Variants in AGMO observed in about 807,000 individuals in gnomAD.
AGMO encodes glyceryl-ether monooxygenase.
Under a neutral mutation model 60.2 loss-of-function variants are expected in AGMO, and 75 were observed. The observed-to-expected ratio is 1.25, with a 90% CI of 1.03 to 1.51. The LOEUF is 1.51. AGMO is among the 40% of genes most tolerant of loss of function. The probability of loss-of-function intolerance (pLI) is 0.00; values close to 1 mark genes in which losing one functional copy is unlikely to be tolerated. For synonymous variants in AGMO, 261 were observed against 177.1 expected, an observed-to-expected ratio of 1.47 and a Z score of -3.76; for missense variants, 763 against 525.5, an observed-to-expected ratio of 1.45 and a Z score of -4.42.
chr7:15,192,974 C>G, the AGMO span, among the ~76,000 whole-genome samples: 1 of 152,180 alleles, frequency 6.6e-6, no homozygotes, highest in Admixed American at 6.5e-5. Flanking sequence ...TTAATATATA[C>G]TCTAATCAGT....
chr7:15,318,151 A>C (rs1473014170), intron 12 of AGMO, among the ~76,000 whole-genome samples: 1 of 151,664 alleles, frequency 6.6e-6, no homozygotes, highest in Admixed American at 6.6e-5. Context: ...AATTACAGGC[A>C]TGCACCACAA....
At chr7:15,390,336 G>T (rs896691660) in intron 8 of AGMO, among the ~76,000 whole-genome samples, 1 of 152,094 alleles carries the variant, frequency 6.6e-6, no homozygotes, top group Admixed American at 6.5e-5. Context: ...TTCTTACTGC[G>T]GGATCAGCCT....
intron 10 of AGMO, among the ~76,000 whole-genome samples, chr7:15,377,421 T>A (rs1365027748): frequency 6.6e-6 from 1 of 151,968 alleles, no homozygotes; most frequent in Non-Finnish European, 1.5e-5. Context: ...GAGAAAACCA[T>A]GCTGTAAGTC....
At chr7:15,173,582 C>T in the AGMO span, among the ~76,000 whole-genome samples, 16 of 151,580 alleles carry the variant, frequency 1.1e-4, no homozygotes, top group Non-Finnish European at 1.8e-4. Flanking sequence ...GAAGACAATA[C>T]AATAAAAAAC....
chr7:15,407,341 G>C (rs533296084), intron 5 of AGMO, among the ~76,000 whole-genome samples: 1 of 149,980 alleles, frequency 6.7e-6, no homozygotes, highest in Non-Finnish European at 1.5e-5. Context: ...TATCTGAAAA[G>C]GTAACTGTAG....
chr7:15,138,011 C>T, the AGMO span, among the ~76,000 whole-genome samples: 1 of 152,136 alleles, frequency 6.6e-6, no homozygotes, highest in Admixed American at 6.5e-5. Context: ...TCCTGGCCCT[C>T]AAAGGCTATT....
intron 4 of AGMO, among the ~76,000 whole-genome samples, chr7:15,421,541 T>C (rs1780925082): frequency 1.3e-5 from 2 of 152,164 alleles, no homozygotes; most frequent in South Asian, 2.1e-4. Context: ...ATAAAGTACA[T>C]GCAACAGATT....
At chr7:15,393,202 G>C (rs972874869) in intron 6 of AGMO, among the ~76,000 whole-genome samples, 8 of 152,198 alleles carry the variant, frequency 5.3e-5, no homozygotes, top group African/African-American at 1.9e-4. Context: ...TCCCCTTCTG[G>C]GGAGTCCCCT....
chr7:15,489,190 G>A (rs1783003480), intron 3 of AGMO, among the ~76,000 whole-genome samples: 1 of 152,030 alleles, frequency 6.6e-6, no homozygotes, highest in Admixed American at 6.6e-5. Flanking sequence ...TTTCACAATT[G>A]TCATAAAGTG....
chr7:15,163,992 T>C, the AGMO span, among the ~76,000 whole-genome samples: 10 of 152,152 alleles, frequency 6.6e-5, no homozygotes, highest in South Asian at 2.1e-3. Context: ...GATTTCTTAT[T>C]ACTGGCTCTG....
At chr7:15,378,424 T>A (rs773934903) in intron 10 of AGMO, among the ~76,000 whole-genome samples, 2 of 152,034 alleles carry the variant, frequency 1.3e-5, no homozygotes, top group Non-Finnish European at 2.9e-5. Flanking sequence ...TTGCATCCCA[T>A]CCTTCTGTTT....
At chr7:15,178,605 T>A in the AGMO span, among the ~76,000 whole-genome samples, 7 of 152,112 alleles carry the variant, frequency 4.6e-5, no homozygotes, top group African/African-American at 1.7e-4. Context: ...AGAAAGAGGC[T>A]TTATTAAAAA....
At chr7:15,373,336 T>C (rs1447580585) in intron 10 of AGMO, among the ~76,000 whole-genome samples, 4 of 152,014 alleles carry the variant, frequency 2.6e-5, no homozygotes, top group African/African-American at 7.2e-5. Context: ...GCAAGGATGA[T>C]GGTTTACATT....
intron 12 of AGMO, among the ~76,000 whole-genome samples, chr7:15,307,424 T>C (rs1780647135): frequency 6.6e-6 from 1 of 152,048 alleles, no homozygotes. Flanking sequence ...TAAAACTTTA[T>C]TTAGATGGGC....
chr7:15,451,062 T>C (rs1258509590), intron 3 of AGMO, among the ~76,000 whole-genome samples: 3 of 93,426 alleles, frequency 3.2e-5, no homozygotes, highest in Non-Finnish European at 8.0e-5. Context: ...TTTTATTATA[T>C]GAAAATTAAA....
the AGMO span, among the ~76,000 whole-genome samples, chr7:15,141,273 C>T: frequency 6.6e-6 from 1 of 152,028 alleles, no homozygotes; most frequent in Non-Finnish European, 1.5e-5. Context: ...GATTAATTAA[C>T]TAATATTAAT....
chr7:15,281,473 C>T (rs151224891), intron 12 of AGMO, among the ~76,000 whole-genome samples: 153 of 152,244 alleles, frequency 1.0e-3, no homozygotes, highest in African/African-American at 3.6e-3. Flanking sequence ...AATCAACATT[C>T]CTGTAGATGA....
intron 3 of AGMO, among the ~76,000 whole-genome samples, chr7:15,458,918 A>G (rs943058175): frequency 6.6e-6 from 1 of 152,182 alleles, no homozygotes; most frequent in African/African-American, 2.4e-5. Context: ...AGCTTACATT[A>G]GTTATTTTCC....
chr7:15,219,048 T>C (rs1167406777), intron 12 of AGMO, among the ~76,000 whole-genome samples: 2 of 152,212 alleles, frequency 1.3e-5, no homozygotes, highest in African/African-American at 2.4e-5. Flanking sequence ...GAAAGTATTG[T>C]AGCTTCATAC....
Sources: allele counts gnomAD v4.1 joint callset (sites outside exome capture counted in the v4.1 genomes callset), GRCh38; gene constraint gnomAD v4.1.1; transcripts MANE v1.5; gene names NCBI Gene and HGNC (gene_info 2026-07-23, HGNC 2026-07-21).